Variants in AOPEP observed in about 807,000 individuals in gnomAD.
AOPEP encodes the protein aminopeptidase O (putative), also known as aminopeptidase O.
In AOPEP, 77 loss-of-function variants were observed where a neutral mutation model predicts 98.1. That is an observed-to-expected ratio of 0.78 (90% CI 0.65 to 0.95). AOPEP has a LOEUF of 0.95. Among genes scored for constraint, AOPEP ranks in the 40% least tolerant of loss-of-function variants. The pLI is 0.00. For missense variants in AOPEP, 1,024 were observed against 1,024.7 expected (o/e 1.00, Z 0.01); for synonymous variants, 346 against 365.3 (o/e 0.95, Z 0.60).
chr9:94,982,604 T>A (rs1452999019), intron 11 of AOPEP, among the ~76,000 whole-genome samples: 1 of 149,696 alleles, frequency 6.7e-6, no homozygotes, highest in African/African-American at 2.5e-5. Flanking sequence ...GGTCTCACTG[T>A]GTCACCCAGG....
At chr9:95,128,609 TACTC>T in the AOPEP span, among the ~76,000 whole-genome samples, 22 of 152,314 alleles carry the variant, frequency 1.4e-4, no homozygotes, top group Middle Eastern at 3.4e-3. Context: ...AGACAGCTCT[TACTC>T]AGTTTGTTAG....
chr9:94,867,469 G>A (rs910313265), intron 5 of AOPEP, among the ~76,000 whole-genome samples: 38 of 152,160 alleles, frequency 2.5e-4, no homozygotes, highest in African/African-American at 9.2e-4. Flanking sequence ...TGTTCCACAC[G>A]ATTCACAGAG....
chr9:94,976,427 C>T (rs551323190), intron 10 of AOPEP, among the ~76,000 whole-genome samples: 1 of 152,290 alleles, frequency 6.6e-6, no homozygotes, highest in Non-Finnish European at 1.5e-5. Context: ...TGATACACAA[C>T]AGCTGTTCAC....
At chr9:95,118,028 T>C in the AOPEP span, among the ~76,000 whole-genome samples, 1 of 151,312 alleles carries the variant, frequency 6.6e-6, no homozygotes, top group Non-Finnish European at 1.5e-5. Context: ...TTGTTTTTGT[T>C]TTTTTATTGA....
chr9:94,880,886 A>G (rs930713681), intron 5 of AOPEP, among the ~76,000 whole-genome samples: 1 of 152,156 alleles, frequency 6.6e-6, no homozygotes, highest in Non-Finnish European at 1.5e-5. Context: ...TTGGCATAGG[A>G]CCCACGAACA....
chr9:95,035,966 T>A (rs955191894), intron 13 of AOPEP, among the ~76,000 whole-genome samples: 6 of 152,126 alleles, frequency 3.9e-5, no homozygotes, highest in African/African-American at 1.4e-4. Context: ...AGAAAATAGG[T>A]CTGAGGGTGG....
chr9:95,141,416 T>C, the AOPEP span, among the ~76,000 whole-genome samples: 2 of 151,824 alleles, frequency 1.3e-5, no homozygotes, highest in Non-Finnish European at 2.9e-5. Context: ...TACTGCTAAT[T>C]CTTTGCCACC....
At chr9:94,912,628 T>C (rs1452454918) in intron 5 of AOPEP, among the ~76,000 whole-genome samples, 1 of 152,192 alleles carries the variant, frequency 6.6e-6, no homozygotes, top group African/African-American at 2.4e-5. Context: ...CCAAAAAGCA[T>C]CTTTCCCATG....
chr9:94,793,710 G>A (rs1013801755), intron 4 of AOPEP, among the ~76,000 whole-genome samples: 25 of 151,710 alleles, frequency 1.6e-4, no homozygotes, highest in African/African-American at 6.1e-4. Flanking sequence ...AAAGGAAAGC[G>A]AGTTGAGAAG....
At chr9:94,796,615 T>G (rs1351652175) in intron 4 of AOPEP, among the ~76,000 whole-genome samples, 1 of 152,226 alleles carries the variant, frequency 6.6e-6, no homozygotes, top group African/African-American at 2.4e-5. Flanking sequence ...TTGCCTAAAG[T>G]GCTCATCTGG....
intron 16 of AOPEP, among the ~76,000 whole-genome samples, chr9:95,084,639 C>T (rs1414240222): frequency 6.6e-6 from 1 of 152,244 alleles, no homozygotes. Context: ...CCACAGGGCA[C>T]ACCCCTCGCC....
chr9:94,916,978 T>C (rs1163785519), intron 5 of AOPEP, among the ~76,000 whole-genome samples: 1 of 152,214 alleles, frequency 6.6e-6, no homozygotes. Flanking sequence ...AATAAAATAC[T>C]GTTTCTCCCT....
chr9:94,781,324 A>G (rs866863358), intron 3 of AOPEP, among the ~76,000 whole-genome samples: 31 of 152,104 alleles, frequency 2.0e-4, no homozygotes, highest in African/African-American at 6.8e-4. Flanking sequence ...TAAGTGCCCA[A>G]TATGCATTTG....
chr9:94,837,526 C>A (rs2041760928), intron 5 of AOPEP, among the ~76,000 whole-genome samples: 1 of 152,186 alleles, frequency 6.6e-6, no homozygotes, highest in African/African-American at 2.4e-5. Context: ...TACTGGCTAA[C>A]TGAATCCAAT....
At position 94,916,703 on chromosome 9, in the gene AOPEP, A is replaced by AG. The variant is rs1231239824; in HGVS notation, c.1365-7283_1365-7282insG. ...GAGCGAGACTCCCTCTCAAAAAAAA[A>AG]AAAAAATTAAATAAATAAATAAATA... On this transcript the variant is annotated intron_variant, in intron 5 of 16. Transcript: ENST00000375315. Among the ~76,000 whole-genome samples, 463 of 150,500 alleles carry AG rather than the reference A, an allele frequency of 3.1e-3. 5 individuals are homozygous for AG. Among genetic ancestry groups the AG allele is most frequent in the African/African-American group, 0.011 (436 of 40,810 alleles).
At chr9:94,784,253 T>G (rs1370712908) in intron 3 of AOPEP, among the ~76,000 whole-genome samples, 1 of 152,256 alleles carries the variant, frequency 6.6e-6, no homozygotes, top group Non-Finnish European at 1.5e-5. Flanking sequence ...ACTCACCTAC[T>G]AATAGGACAC....
chr9:94,964,582 C>T (rs1195440334), intron 9 of AOPEP, among the ~76,000 whole-genome samples: 2 of 148,220 alleles, frequency 1.3e-5, no homozygotes, highest in Non-Finnish European at 3.0e-5. Flanking sequence ...GTATAGGCTA[C>T]AAGGAGATAA....
intron 5 of AOPEP, chr9:94,900,550 C>T (rs573754295): frequency 1.3e-5 from 2 of 152,374 alleles, no homozygotes; most frequent in South Asian, 4.1e-4. Context: ...TCCTCCTCAT[C>T]TTCTTCTTCC....
intron 5 of AOPEP, among the ~76,000 whole-genome samples, chr9:94,842,592 A>G (rs565863268): frequency 4.5e-4 from 68 of 152,306 alleles, no homozygotes; most frequent in Non-Finnish European, 7.6e-4. Flanking sequence ...ACTGAATAAC[A>G]GAAAGATAAT....
Sources: gnomAD v4.1 joint callset for allele counts (sites outside exome capture counted in the v4.1 genomes callset) on GRCh38, gnomAD v4.1.1 for gene constraint, MANE v1.5 for transcripts, NCBI Gene and HGNC (gene_info 2026-07-23, HGNC 2026-07-21) for gene names.